Variants in RGS5 observed in about 807,000 individuals in gnomAD.
The protein encoded by RGS5 is regulator of G-protein signalling 5.
A neutral mutation model predicts 18.9 loss-of-function variants in RGS5; 20 were observed. The ratio of observed to expected loss-of-function variants is 1.06; its 90% CI spans 0.74 to 1.54. The LOEUF is 1.54. RGS5 is among the 40% of genes most tolerant of loss of function. The pLI, the probability that RGS5 is intolerant of heterozygous loss-of-function variation, is 0.00. For synonymous variants in RGS5, 57 were observed against 76.2 expected (o/e 0.75, Z 1.31); for missense variants, 201 against 211.8 (o/e 0.95, Z 0.32).
chr1:163,283,128 G>A (rs953779076), intron 2 of RGS5, among the ~76,000 whole-genome samples: 3 of 152,096 alleles, frequency 2.0e-5, no homozygotes, highest in Non-Finnish European at 4.4e-5. Context: ...TAGATCCTGG[G>A]AAGGAAAATG....
intron 2 of RGS5, among the ~76,000 whole-genome samples, chr1:163,228,165 G>C (rs1435264486): frequency 6.6e-6 from 1 of 152,230 alleles, no homozygotes; most frequent in African/African-American, 2.4e-5. Flanking sequence ...GTGGGACTCT[G>C]TGTGGGGTCT....
chr1:163,254,872 C>G (rs1215431316), intron 2 of RGS5, among the ~76,000 whole-genome samples: 2 of 151,292 alleles, frequency 1.3e-5, no homozygotes, highest in African/African-American at 4.9e-5. Flanking sequence ...ATATGGCTAG[C>G]CAGTTTTCCC....
chr1:163,159,813 T>C (rs1657730742), intron 3 of RGS5, among the ~76,000 whole-genome samples: 1 of 152,144 alleles, frequency 6.6e-6, no homozygotes, highest in South Asian at 2.1e-4. Context: ...CATACACATA[T>C]ATACACATAT....
intron 2 of RGS5, among the ~76,000 whole-genome samples, chr1:163,303,818 T>C (rs192316549): frequency 1.3e-5 from 2 of 152,096 alleles, no homozygotes; most frequent in Admixed American, 6.5e-5. Flanking sequence ...CTCAAAGGAG[T>C]GTGAACCCTA....
intron 1 of RGS5, chr1:163,211,374 GA>G (rs551006736): frequency 6.6e-6 from 1 of 152,106 alleles, no homozygotes; most frequent in Non-Finnish European, 1.5e-5. Flanking sequence ...AAAGTGAAAA[GA>G]AAATGAATAA....
intron 4 of RGS5, among the ~76,000 whole-genome samples, chr1:163,151,409 A>T (rs1037281364): frequency 1.3e-5 from 2 of 152,160 alleles, no homozygotes; most frequent in African/African-American, 4.8e-5. Flanking sequence ...AACAAAGAAA[A>T]GTTATAGAAA....
At chr1:163,247,192 T>C (rs190582317) in intron 2 of RGS5, among the ~76,000 whole-genome samples, 1 of 152,300 alleles carries the variant, frequency 6.6e-6, no homozygotes, top group East Asian at 1.9e-4. Context: ...ACACACAATT[T>C]ATCCACGTAA....
At chr1:163,270,352 G>GAAAA (rs59181379) in intron 2 of RGS5, among the ~76,000 whole-genome samples, 20 of 94,684 alleles carry the variant, frequency 2.1e-4, no homozygotes, top group South Asian at 4.5e-4. Flanking sequence ...TCTCTATTGA[G>GAAAA]AAAAAAAAAA....
intron 2 of RGS5, among the ~76,000 whole-genome samples, chr1:163,163,149 T>A (rs1278004386): frequency 2.0e-5 from 3 of 152,132 alleles, no homozygotes; most frequent in African/African-American, 7.2e-5. Flanking sequence ...TCACTTTATT[T>A]ATGTAAGGAG....
chr1:163,273,296 A>C (rs1648768788), intron 2 of RGS5, among the ~76,000 whole-genome samples: 1 of 152,136 alleles, frequency 6.6e-6, no homozygotes, highest in Non-Finnish European at 1.5e-5. Context: ...TAGCCAATTT[A>C]CGGTCTAGGC....
chr1:163,246,296 C>T (rs766731791), intron 2 of RGS5, among the ~76,000 whole-genome samples: 3 of 139,988 alleles, frequency 2.1e-5, no homozygotes, highest in Non-Finnish European at 3.1e-5. Flanking sequence ...CAGGGCCAGG[C>T]GTGGTGCCTC....
intron 2 of RGS5, among the ~76,000 whole-genome samples, chr1:163,305,702 T>C (rs532555521): frequency 3.3e-5 from 5 of 152,350 alleles, no homozygotes; most frequent in South Asian, 2.1e-4. Flanking sequence ...ATGGGAGCTC[T>C]ACAGTGGGCC....
chr1:163,320,476 G>C (rs1015029775), intron 1 of RGS5, among the ~76,000 whole-genome samples: 1 of 152,112 alleles, frequency 6.6e-6, no homozygotes, highest in Non-Finnish European at 1.5e-5. Flanking sequence ...TGTGATCAGG[G>C]ATTTCAATCC....
intron 2 of RGS5, among the ~76,000 whole-genome samples, chr1:163,226,309 A>G (rs757815869): frequency 2.3e-4 from 35 of 152,258 alleles, no homozygotes; most frequent in Non-Finnish European, 3.7e-4. Context: ...GGGTACATTT[A>G]AATGCTTAAA....
chr1:163,196,352 A>G (rs1454835714), intron 1 of RGS5, among the ~76,000 whole-genome samples: 1 of 152,104 alleles, frequency 6.6e-6, no homozygotes, highest in Non-Finnish European at 1.5e-5. Context: ...ACCATTAACA[A>G]TGGCTCCAGA....
chr1:163,226,491 G>A (rs1392676185), intron 2 of RGS5, among the ~76,000 whole-genome samples: 1 of 152,102 alleles, frequency 6.6e-6, no homozygotes, highest in Non-Finnish European at 1.5e-5. Flanking sequence ...TGATGCTAGA[G>A]TCTCTGGTCT....
chr1:163,188,658 A>C (rs1659198276), intron 1 of RGS5, among the ~76,000 whole-genome samples: 2 of 152,124 alleles, frequency 1.3e-5, no homozygotes, highest in African/African-American at 4.8e-5. Context: ...CAACCTGGCG[A>C]ACTAGAAAAA....
chr1:163,252,938 A>C (rs1483629333), intron 2 of RGS5, among the ~76,000 whole-genome samples: 2 of 152,166 alleles, frequency 1.3e-5, no homozygotes, highest in Non-Finnish European at 2.9e-5. Context: ...TCTGTAGCAC[A>C]TTTAACATCC....
intron 2 of RGS5, among the ~76,000 whole-genome samples, chr1:163,163,044 G>GA (rs1323289703): frequency 6.6e-6 from 1 of 150,916 alleles, no homozygotes; most frequent in African/African-American, 2.4e-5. Flanking sequence ...TATTTCGGGG[G>GA]GGGGGGTGGT....
Sources: gnomAD v4.1 joint callset for allele counts (sites outside exome capture counted in the v4.1 genomes callset) on GRCh38, gnomAD v4.1.1 for gene constraint, MANE v1.5 for transcripts, NCBI Gene and HGNC (gene_info 2026-07-23, HGNC 2026-07-21) for gene names.